Variants in USP38 observed in about 807,000 individuals in gnomAD.
USP38 encodes ubiquitin specific peptidase 38.
USP38 carries 49 observed loss-of-function variants against 94.3 expected under a neutral mutation model. The observed-to-expected ratio is 0.52, with a 90% confidence interval of 0.41 to 0.66. The LOEUF (loss-of-function observed/expected upper bound fraction) is 0.66. Ranked by LOEUF, USP38 falls within the 30% of genes least tolerant of loss-of-function variation. USP38 has a pLI of 0.00. For missense variants in USP38, 1,128 were observed against 1,229.4 expected (o/e 0.92, Z 1.23); for synonymous variants, 468 against 463.6 (o/e 1.01, Z -0.12).
At chr4:143,192,596 G>A (rs1367426992) in intron 2 of USP38, among the ~76,000 whole-genome samples, 2 of 124,412 alleles carry the variant, frequency 1.6e-5, no homozygotes, top group Non-Finnish European at 3.2e-5. Flanking sequence ...AGCAGATTTG[G>A]TGTCTGGTGA....
chr4:143,203,297 C>G, intron 4 of USP38, 111 bp from the exon 5 acceptor site: 1 of 1,064,952 alleles, frequency 9.4e-7, no homozygotes, highest in Non-Finnish European at 1.3e-6. Flanking sequence ...TGTGACTGCA[C>G]ATACAGAAAA....
At chr4:143,187,374 T>G (rs1190904307) in intron 1 of USP38, among the ~76,000 whole-genome samples, 5 of 152,146 alleles carry the variant, frequency 3.3e-5, no homozygotes, top group Non-Finnish European at 7.4e-5. Flanking sequence ...CACCTTCATT[T>G]CTACTTTAAG....
In USP38 at chr4:143,220,480, T is replaced by G. The variant is rs751647636; in HGVS notation, c.*24T>G. 1.9e-6 allele frequency: 3 copies of G among 1,597,232 alleles called. No individual in the cohort carries two copies. Among genetic ancestry groups the G allele is most frequent in the Non-Finnish European group, 1.7e-6 (2 of 1,172,578 alleles). ...GATCCTGAGAGAGTCCAAAATGCAC[T>G]GGTCACGAAACGTCTAATACTATGA... On this transcript the variant is annotated 3_prime_UTR_variant, in exon 10 of 10. Coordinates refer to ENST00000307017, the MANE Select transcript of USP38 (RefSeq NM_032557.6).
chr4:143,203,306 A>C, intron 4 of USP38, 102 bp from the exon 5 acceptor site: 2 of 1,159,958 alleles, frequency 1.7e-6, no homozygotes, highest in South Asian at 3.2e-5. Flanking sequence ...ACATACAGAA[A>C]AGTATCTGCT....
At chr4:143,208,538 ATG>A (rs1212590190) in intron 6 of USP38, among the ~76,000 whole-genome samples, 2 of 152,104 alleles carry the variant, frequency 1.3e-5, no homozygotes, top group African/African-American at 4.8e-5. Flanking sequence ...ATGAAGAAAA[ATG>A]TCTCTTAATT....
chr4:143,215,821 C>A (rs1221464827), intron 9 of USP38, among the ~76,000 whole-genome samples: 1 of 151,818 alleles, frequency 6.6e-6, no homozygotes, highest in East Asian at 1.9e-4. Flanking sequence ...AAATTTACTG[C>A]GTTATAAAAT....
In USP38 at chr4:143,213,837, T is replaced by C. The variant is rs749113872; in HGVS notation, c.1861T>C (p.Cys621Arg). Residue 621 changes from cysteine to arginine, a missense_variant, in exon 9 of 10, where the codon TGT becomes CGT. By Grantham distance (180) the Cys-to-Arg change is radical. Transcript: ENST00000307017. The part of the protein sequence containing the change: ...EAFTDLSLAF[C>R]PSSSLENMSV... ...CTTTACAGATCTTTCGCTTGCCTTT[T>C]GTCCTTCCTCTTCTTTGGAAAACAT... The C allele has an allele frequency of 6.2e-6, 10 of 1,613,754 alleles. No homozygotes were observed. In the South Asian group the frequency reaches 7.7e-5, roughly 12 times the overall value.
intron 9 of USP38, among the ~76,000 whole-genome samples, chr4:143,218,622 C>A (rs1343054474): frequency 6.6e-6 from 1 of 151,972 alleles, no homozygotes; most frequent in Non-Finnish European, 1.5e-5. Flanking sequence ...GGTACAGATG[C>A]AATGGAGCTA....
chr4:143,214,298 T>C lies in USP38; in HGVS notation c.2322T>C (p.Tyr774=), dbSNP rs143782449. 27 of 1,612,830 alleles carry C rather than the reference T, an allele frequency of 1.7e-5. No individual in the cohort carries two copies. The highest frequency in any genetic ancestry group is 2.2e-5 in the Non-Finnish European group (26 of 1,179,638). The change falls in exon 9 of 10, where the codon TAT becomes TAC. Residue 774 remains tyrosine (Y), a synonymous_variant. Coordinates refer to ENST00000307017, the MANE Select transcript of USP38 (RefSeq NM_032557.6). ...TLLRFSYDQK[Y]HVRRKILDNV... is the part of the protein sequence containing the mutation. ...TGAGATTTTCATATGATCAGAAGTA[T>C]CATGTGAGAAGGAAAATTTTAGACA...
At chr4:143,192,823 A>G (rs1408657424) in intron 2 of USP38, among the ~76,000 whole-genome samples, 1 of 152,212 alleles carries the variant, frequency 6.6e-6, no homozygotes, top group Non-Finnish European at 1.5e-5. Flanking sequence ...TCTGATATGA[A>G]GTTTATTTAT....
intron 2 of USP38, among the ~76,000 whole-genome samples, chr4:143,192,843 G>A (rs1731437743): frequency 6.6e-6 from 1 of 152,176 alleles, no homozygotes; most frequent in Non-Finnish European, 1.5e-5. Context: ...TAGGTGGTCA[G>A]GAGATTGGCA....
Position 143,220,634 on chromosome 4 carries a change from A to G in USP38, c.*178A>G. 4.1e-6 allele frequency: 2 copies of G among 486,986 alleles called. No individual in the cohort carries two copies. Among genetic ancestry groups the G allele is most frequent in the African/African-American group, 8.2e-5 (1 of 12,266 alleles). 30.2% of individuals were successfully genotyped at this position (486,986 alleles called of 1,614,324 possible). A position where few individuals can be genotyped will look rare whatever the true frequency, so the allele number is the denominator to read the frequency against. On this transcript the variant is annotated 3_prime_UTR_variant, in exon 10 of 10. Coordinates refer to ENST00000307017, the MANE Select transcript of USP38 (RefSeq NM_032557.6). ...ATTTATTAACAAAATGCATCATGGA[A>G]AAAAAAATCTACCTCTTAAAATTCC...
intron 2 of USP38, among the ~76,000 whole-genome samples, chr4:143,189,702 C>T (rs1178599069): frequency 1.3e-5 from 2 of 151,942 alleles, no homozygotes; most frequent in South Asian, 2.1e-4. Flanking sequence ...CTTTGACTTT[C>T]GAGATTTGTG....
rs556058679 is a variant in USP38 at position 143,221,299 on chromosome 4, A to G, written c.*843A>G. On this transcript the variant is annotated 3_prime_UTR_variant, in exon 10 of 10. Coordinates refer to ENST00000307017, the MANE Select transcript of USP38 (RefSeq NM_032557.6). ...AATGTTAGGAAGTAATTTTCGTGCT[A>G]ACATTAAAATTATAACTTTTTGAAA... 6.5e-6 allele frequency: 1 copy of G among 152,690 alleles called. No individual in the cohort carries two copies. Among genetic ancestry groups the G allele is most frequent in the Non-Finnish European group, 1.5e-5 (1 of 67,998 alleles). The allele number at this position is 152,690 out of a possible 1,614,324, so 9.5% of individuals were successfully genotyped here.
At chr4:143,186,550 T>G (rs1731230443) in intron 1 of USP38, among the ~76,000 whole-genome samples, 1 of 152,210 alleles carries the variant, frequency 6.6e-6, no homozygotes, top group Admixed American at 6.5e-5. Flanking sequence ...ATTTTTGTAT[T>G]TCCTCATTTT....
rs1323868970 is a variant in USP38 at position 143,185,092 on chromosome 4, G to A, written c.-359G>A. On this transcript the variant is annotated 5_prime_UTR_variant, in exon 1 of 10. Coordinates refer to ENST00000307017, the MANE Select transcript of USP38 (RefSeq NM_032557.6). ...CGGAGGCGTGCTTCCTCCACCCGCC[G>A]GCTAGCAGCCCCGGGCCCTGAGCTC... is the stretch of plus-strand genomic sequence containing the variant. 1 of 190,594 alleles carries A rather than the reference G, an allele frequency of 5.2e-6. No individual in the cohort carries two copies. The highest frequency in any genetic ancestry group is 2.4e-5 in the African/African-American group (1 of 42,392). 11.8% of individuals were successfully genotyped at this position (190,594 alleles called of 1,614,324 possible).
rs181727008 is a variant in USP38 at position 143,219,514 on chromosome 4, A to G, written c.2968-781A>G. Among the ~76,000 whole-genome samples, 10 of 152,282 alleles carry G rather than the reference A, an allele frequency of 6.6e-5. No homozygotes were observed. In the East Asian group the frequency reaches 1.7e-3, roughly 26 times the overall value. On this transcript the variant is annotated intron_variant, in intron 9 of 9. Coordinates refer to ENST00000307017, the MANE Select transcript of USP38 (RefSeq NM_032557.6). ...TGTATTTTGAAAGCTCTTCAGGACG[A>G]TTATGCTAACAAGTTCAGGTATGCT...
At chr4:143,191,491 G>A (rs1380522555) in intron 2 of USP38, among the ~76,000 whole-genome samples, 1 of 152,148 alleles carries the variant, frequency 6.6e-6, no homozygotes. Flanking sequence ...AAAAGGGAAG[G>A]CTGCCTATAG....
At chr4:143,211,062 G>C (rs961710054) in intron 7 of USP38, among the ~76,000 whole-genome samples, 6 of 151,790 alleles carry the variant, frequency 4.0e-5, no homozygotes, top group African/African-American at 1.4e-4. Flanking sequence ...TTTATCACTA[G>C]TATGTATTTA....
Sources: allele counts gnomAD v4.1 joint callset (sites outside exome capture counted in the v4.1 genomes callset), GRCh38; gene constraint gnomAD v4.1.1; transcripts MANE v1.5; gene names NCBI Gene and HGNC (gene_info 2026-07-23, HGNC 2026-07-21).